Variants in HDGFL2 observed in about 807,000 individuals in gnomAD.
The protein encoded by HDGFL2 is hepatoma-derived growth factor-related protein 2.
A neutral mutation model predicts 77.1 loss-of-function variants in HDGFL2; 36 were observed. The observed-to-expected ratio is 0.47, with a 90% CI of 0.36 to 0.62. The LOEUF (loss-of-function observed/expected upper bound fraction) is 0.62, where lower values mean the gene tolerates loss of function less well. HDGFL2 is among the 20% of genes least tolerant of loss of function. HDGFL2 has a pLI of 0.00. For synonymous variants in HDGFL2, 463 were observed against 413.1 expected, an observed-to-expected ratio of 1.12 and a Z score of -1.46; for missense variants, 976 against 973.4, an observed-to-expected ratio of 1.00 and a Z score of -0.04.
chr19:4,489,164 G>A (rs2066811537), intron 4 of HDGFL2, among the ~76,000 whole-genome samples: 1 of 151,882 alleles, frequency 6.6e-6, no homozygotes, highest in Non-Finnish European at 1.5e-5. Flanking sequence ...AGGTCCCCAA[G>A]TTGGTCTTGA....
rs1246879128 is a variant in HDGFL2, at chr19:4,494,241, G to T, written c.990G>T (p.Arg330=). Residue 330 remains arginine (R), a synonymous_variant, in exon 9 of 16, where the codon CGG becomes CGT. Coordinates refer to ENST00000616600, the MANE Select transcript of HDGFL2 (RefSeq NM_001001520.3). ...DEARRRELEA[R]RRREQEEELR... The stretch of plus-strand genomic sequence containing the variant: ...CGCGGAGGCGCGAGCTGGAGGCCCG[G>T]CGGCGGCGAGAGCAGGAGGAGGAGC... 2 of 1,461,366 alleles carry T rather than the reference G, an allele frequency of 1.4e-6. No individual in the cohort carries two copies. Among genetic ancestry groups the T allele is most frequent in the African/African-American group, 2.9e-5 (2 of 68,228 alleles). 90.5% of individuals were successfully genotyped at this position (1,461,366 alleles called of 1,614,324 possible).
At chr19:4,473,373 T>A (rs1321095526) in intron 1 of HDGFL2, among the ~76,000 whole-genome samples, 3 of 150,312 alleles carry the variant, frequency 2.0e-5, no homozygotes, top group South Asian at 2.1e-4. Context: ...CTCGTGTGTC[T>A]GGGGGTGTCC....
intron 1 of HDGFL2, 50 bp downstream of exon 1, chr19:4,472,472 G>A: frequency 9.7e-7 from 1 of 1,034,624 alleles, no homozygotes; most frequent in Non-Finnish European, 1.3e-6. Flanking sequence ...GGGGGGCAGC[G>A]GGGGCCCCGG....
rs1473530175 is a variant in HDGFL2 at position 4,494,250 on chromosome 19, A to G, written c.999A>G (p.Arg333=). Residue 333 remains arginine (R), a synonymous_variant, in exon 9 of 16, where the codon CGA becomes CGG. Coordinates refer to ENST00000616600, the MANE Select transcript of HDGFL2 (RefSeq NM_001001520.3). ...RRRELEARRR[R]EQEEELRRLR... is the part of the protein sequence containing the mutation. Reference sequence around the variant, plus strand: ...GCGAGCTGGAGGCCCGGCGGCGGCGAGAGCAGGAGGAGGAGCTGCGGCGCC... The same window carrying G: ...GCGAGCTGGAGGCCCGGCGGCGGCGGGAGCAGGAGGAGGAGCTGCGGCGCC... 1.4e-6 allele frequency: 2 copies of G among 1,461,186 alleles called. No homozygotes were observed. The highest frequency in any genetic ancestry group is 1.5e-5 in the African/African-American group (1 of 68,184). 90.5% of individuals were successfully genotyped at this position (1,461,186 alleles called of 1,614,324 possible).
At chr19:4,497,181 C>CGTTTTT (rs747539928) in intron 10 of HDGFL2, 160 of 445,094 alleles carry the variant, frequency 3.6e-4, no homozygotes, top group African/African-American at 1.6e-3. Flanking sequence ...CTGCAGCCCA[C>CGTTTTT]GTTTTTGTTT....
intron 14 of HDGFL2, 132 bp downstream of exon 14, chr19:4,499,836 TG>T: frequency 1.3e-6 from 1 of 778,590 alleles, no homozygotes. Context: ...CATGTCCTGT[TG>T]GGGTCTCCGT....
intron 10 of HDGFL2, 64 bp downstream of exon 10, chr19:4,496,469 C>T: frequency 8.0e-7 from 1 of 1,254,584 alleles, no homozygotes; most frequent in Non-Finnish European, 1.1e-6. Flanking sequence ...CCACAACCCT[C>T]ACCCCTCACA....
Position 4,494,483 on chromosome 19 carries a change from G to C in HDGFL2, c.1224+8G>C. On this transcript the variant is annotated splice_region_variant and intron_variant, in intron 9 of 15. Transcript: ENST00000616600. ...GCCGAGCTGGAGAGAGAGGTGAGCC[G>C]GGAGGGCGCCGGGAGTCCCTGCCTT... 7.3e-7 allele frequency: 1 copy of C among 1,375,856 alleles called. No homozygotes were observed. The highest frequency in any genetic ancestry group is 9.4e-7 in the Non-Finnish European group (1 of 1,068,650). The allele number at this position is 1,375,856 out of a possible 1,614,324, so 85.2% of individuals were successfully genotyped here.
At chr19:4,486,749 T>A (rs556881400) in intron 3 of HDGFL2, among the ~76,000 whole-genome samples, 1 of 152,104 alleles carries the variant, frequency 6.6e-6, no homozygotes, top group Admixed American at 6.5e-5. Context: ...GCCTAACTCT[T>A]CATCCTCCTC....
At chr19:4,491,481 C>T (rs932340478) in intron 4 of HDGFL2, 85 bp from the exon 5 acceptor site, 9 of 1,165,132 alleles carry the variant, frequency 7.7e-6, no homozygotes, top group South Asian at 1.3e-5. Context: ...GCTCAGCTGT[C>T]GTGGGTGGTG....
chr19:4,501,401 C>G, intron 15 of HDGFL2, 84 bp downstream of exon 15: 1 of 1,465,418 alleles, frequency 6.8e-7, no homozygotes, highest in Middle Eastern at 2.6e-4. Flanking sequence ...TCCTCCTGTG[C>G]CAGTCCCTCT....
chr19:4,499,776 TC>T, intron 14 of HDGFL2, 72 bp downstream of exon 14: 1 of 1,206,920 alleles, frequency 8.3e-7, no homozygotes, highest in Non-Finnish European at 1.1e-6. Flanking sequence ...TGCAGAACAT[TC>T]CAGAAGGGGA....
chr19:4,473,757 G>A (rs1361442737), intron 1 of HDGFL2, among the ~76,000 whole-genome samples: 2 of 151,916 alleles, frequency 1.3e-5, no homozygotes, highest in Admixed American at 1.3e-4. Context: ...CTGGACCTTA[G>A]AATGAAGTTG....
Position 4,494,317 on chromosome 19 carries a change from C to G in HDGFL2, c.1066C>G (p.Arg356Gly). Residue 356 changes from arginine (R) to glycine (G), a missense_variant, in exon 9 of 16, where the codon CGG becomes GGG. Physicochemically the swap from Arg to Gly is moderately radical, Grantham distance 125. This residue lies in a region of HDGFL2 where 567 missense variants were observed against 534.7 expected (regional missense o/e 1.06). Coordinates refer to ENST00000616600, the MANE Select transcript of HDGFL2 (RefSeq NM_001001520.3). ...GGAGGAGAAGGAGCGGAGGCGCGAG[C>G]GGGCCGACCGCGGGGAGGCTGAGCG... ...EKEEKERRRE[R>G]ADRGEAERGS... 1 of 1,423,384 alleles carries G rather than the reference C, an allele frequency of 7.0e-7. No homozygotes were observed. The highest frequency in any genetic ancestry group is 9.2e-7 in the Non-Finnish European group (1 of 1,092,158). The allele number at this position is 1,423,384 out of a possible 1,614,324, so 88.2% of individuals were successfully genotyped here.
intron 1 of HDGFL2, among the ~76,000 whole-genome samples, chr19:4,472,812 TC>T (rs1454891223): frequency 7.3e-6 from 1 of 137,674 alleles, no homozygotes; most frequent in Non-Finnish European, 1.6e-5. Flanking sequence ...CAGGAGCCCC[TC>T]CCGGGGTCTG....
At chr19:4,473,092 G>T (rs561031287) in intron 1 of HDGFL2, among the ~76,000 whole-genome samples, 2 of 144,528 alleles carry the variant, frequency 1.4e-5, no homozygotes, top group East Asian at 2.1e-4. Flanking sequence ...AGAGCCGCGC[G>T]CCGACGGTCT....
chr19:4,498,077 G>A (rs746141391), intron 11 of HDGFL2, 46 bp downstream of exon 11: 2 of 1,503,310 alleles, frequency 1.3e-6, no homozygotes, highest in South Asian at 1.2e-5. Context: ...TTCACTGAGG[G>A]GAACGGGGAC....
intron 15 of HDGFL2, 164 bp downstream of exon 15, chr19:4,501,481 G>GCCAGCCA: frequency 1.3e-6 from 1 of 767,994 alleles, no homozygotes; most frequent in Non-Finnish European, 1.9e-6. Context: ...GGGCCCCGCT[G>GCCAGCCA]GCTGGCACTT....
At chr19:4,477,062 A>G (rs186100472) in intron 3 of HDGFL2, among the ~76,000 whole-genome samples, 40 of 152,250 alleles carry the variant, frequency 2.6e-4, no homozygotes, top group African/African-American at 9.1e-4. Context: ...GGCTTTTGCG[A>G]GTGGAGGATG....
Sources: allele counts gnomAD v4.1 joint callset (sites outside exome capture counted in the v4.1 genomes callset), GRCh38; gene constraint gnomAD v4.1.1; regional missense constraint gnomAD v4.1.1; transcripts MANE v1.5; gene names NCBI Gene and HGNC (gene_info 2026-07-23, HGNC 2026-07-21).